The following LRFN5 variants were observed in gnomAD, a reference collection of about 807,000 sequenced individuals.
LRFN5 encodes the protein leucine-rich repeat and fibronectin type-III domain-containing protein 5.
A neutral mutation model predicts 45.6 loss-of-function variants in LRFN5; 24 were observed. The ratio of observed to expected loss-of-function variants is 0.53; its 90% confidence interval spans 0.38 to 0.74. The LOEUF is 0.74. LRFN5 is among the 30% of genes least tolerant of loss of function. The probability of loss-of-function intolerance (pLI) is 0.00; values close to 1 mark genes in which losing one functional copy is unlikely to be tolerated. For missense variants in LRFN5, 776 were observed against 861.5 expected, an observed-to-expected ratio of 0.90 and a Z score of 1.24; for synonymous variants, 340 against 313.8, an observed-to-expected ratio of 1.08 and a Z score of -0.88.
At chr14:41,670,298 TATATATACAC>T (rs1201683179) in intron 1 of LRFN5, among the ~76,000 whole-genome samples, 14 of 45,510 alleles carry the variant, frequency 3.1e-4, no homozygotes, top group Admixed American at 7.2e-4. Context: ...TATATATATA[TATATATACAC>T]ACACACAGAA....
intron 1 of LRFN5, among the ~76,000 whole-genome samples, chr14:41,666,046 C>A (rs1372194861): frequency 6.6e-6 from 1 of 151,908 alleles, no homozygotes; most frequent in Non-Finnish European, 1.5e-5. Flanking sequence ...GAGACCATTT[C>A]TCCTTTAAAT....
intron 1 of LRFN5, among the ~76,000 whole-genome samples, chr14:41,666,303 T>TA (rs891774252): frequency 1.8e-4 from 27 of 151,956 alleles, no homozygotes; most frequent in African/African-American, 5.1e-4. Context: ...GCTCCCCAAT[T>TA]AAAAAAAATC....
chr14:41,764,832 GATTATATATGCAGAATACATA>G, intron 1 of LRFN5, among the ~76,000 whole-genome samples: 1 of 149,780 alleles, frequency 6.7e-6, no homozygotes. Context: ...ACATATATAT[GATTATATATGCAGAATACATA>G]TATATGATTA....
chr14:41,886,866 A>T lies in LRFN5; in HGVS notation c.241A>T (p.Thr81Ser), dbSNP rs200283889. 3.5e-5 allele frequency: 57 copies of T among 1,613,952 alleles called. No homozygotes were observed. The highest frequency in any genetic ancestry group is 1.5e-5 in the Non-Finnish European group (18 of 1,180,012). Residue 81 changes from threonine to serine, a missense_variant, in exon 3 of 6, where the codon ACT (threonine) becomes TCT (serine). This residue lies in a region of LRFN5 where 311 missense variants were observed against 405.1 expected (regional missense o/e 0.77). Transcript: ENST00000298119. The stretch of plus-strand genomic sequence containing the variant: ...CAATATGACCAGCTTGGTGGACCTG[A>T]CTCTATCCAGGAATACAATAAGTTT... The part of the protein sequence containing the change: ...FANMTSLVDL[T>S]LSRNTISFIT...
chr14:41,851,512 A>G (rs1411004336), intron 2 of LRFN5, among the ~76,000 whole-genome samples: 1 of 151,796 alleles, frequency 6.6e-6, no homozygotes, highest in Non-Finnish European at 1.5e-5. Context: ...TGGAACCACA[A>G]TTCTTTGAAA....
intron 2 of LRFN5, among the ~76,000 whole-genome samples, chr14:41,822,179 A>G (rs530917399): frequency 2.0e-5 from 3 of 151,598 alleles, no homozygotes; most frequent in African/African-American, 7.2e-5. Context: ...GTTCTTTGTT[A>G]TATCTTTTCT....
intron 2 of LRFN5, among the ~76,000 whole-genome samples, chr14:41,771,420 T>C (rs1471480661): frequency 6.6e-6 from 1 of 152,172 alleles, no homozygotes; most frequent in South Asian, 2.1e-4. Flanking sequence ...TTTTCCAAAC[T>C]TTTATCCTCT....
At chr14:41,873,359 A>G (rs1006935819) in intron 2 of LRFN5, among the ~76,000 whole-genome samples, 5 of 151,726 alleles carry the variant, frequency 3.3e-5, no homozygotes, top group African/African-American at 1.2e-4. Context: ...AAATATTCTT[A>G]ATGCTCCGTT....
intron 2 of LRFN5, among the ~76,000 whole-genome samples, chr14:41,799,834 G>A (rs1887263107): frequency 6.6e-6 from 1 of 151,894 alleles, no homozygotes; most frequent in South Asian, 2.1e-4. Context: ...TAAATAATGG[G>A]TGGTATTTAG....
intron 3 of LRFN5, among the ~76,000 whole-genome samples, chr14:41,888,657 TGTC>T (rs2139155734): frequency 6.6e-6 from 1 of 152,146 alleles, no homozygotes; most frequent in East Asian, 1.9e-4. Flanking sequence ...GTGGTTGTGT[TGTC>T]TCATGTGTAC....
chr14:41,819,958 TG>T (rs1272372926), intron 2 of LRFN5, among the ~76,000 whole-genome samples: 1 of 61,134 alleles, frequency 1.6e-5, no homozygotes, highest in Non-Finnish European at 2.9e-5. Flanking sequence ...TAGGGTTATT[TG>T]TTTTTTTTTT....
intron 2 of LRFN5, among the ~76,000 whole-genome samples, chr14:41,813,191 C>A (rs1887795100): frequency 6.6e-6 from 1 of 151,982 alleles, no homozygotes; most frequent in Non-Finnish European, 1.5e-5. Context: ...ACAATTTCAT[C>A]CCTTTGATTT....
rs758615574 is a variant in LRFN5, at chr14:41,887,753, G to A, written c.1128G>A (p.Lys376=). Residue 376 remains lysine (K), a synonymous_variant, in exon 3 of 6, where the codon AAG becomes AAA. Coordinates refer to ENST00000298119, the MANE Select transcript of LRFN5 (RefSeq NM_152447.5). The surrounding 1 kb of genome is among the most constrained non-coding windows in gnomAD (Gnocchi z 4.8). ...AAATAGTGGATCTTCATATAATTAA[G>A]CTCCCTCACTTACTAAATAGTACAA... The part of the protein sequence containing the change: ...ATQIVDLHII[K]LPHLLNSTNH... 6.2e-7 allele frequency: 1 copy of A among 1,613,894 alleles called. No homozygotes were observed. The highest frequency in any genetic ancestry group is 1.7e-5 in the Admixed American group (1 of 60,008).
At chr14:41,663,681 C>A (rs181937519) in intron 1 of LRFN5, among the ~76,000 whole-genome samples, 25 of 152,042 alleles carry the variant, frequency 1.6e-4, no homozygotes, top group African/African-American at 6.0e-4. Context: ...GCAGCCCATA[C>A]TTAGTTATGT....
At chr14:41,775,729 G>T (rs1343585336) in intron 2 of LRFN5, among the ~76,000 whole-genome samples, 3 of 151,924 alleles carry the variant, frequency 2.0e-5, no homozygotes, top group African/African-American at 7.3e-5. Context: ...AGAATTATAG[G>T]GTAAACCTTT....
chr14:41,845,050 A>G (rs1889012063), intron 2 of LRFN5, among the ~76,000 whole-genome samples: 1 of 152,144 alleles, frequency 6.6e-6, no homozygotes, highest in Non-Finnish European at 1.5e-5. Flanking sequence ...CCTCTAGATT[A>G]TCCTAAGAAA....
chr14:41,775,718 C>A (rs1324775158), intron 2 of LRFN5, among the ~76,000 whole-genome samples: 4 of 152,054 alleles, frequency 2.6e-5, no homozygotes, highest in Non-Finnish European at 1.5e-5. Flanking sequence ...TATAAAGTGA[C>A]AGAATTATAG....
chr14:41,792,581 A>G (rs921500587), intron 2 of LRFN5, among the ~76,000 whole-genome samples: 2 of 151,934 alleles, frequency 1.3e-5, no homozygotes, highest in Admixed American at 6.6e-5. Flanking sequence ...TAGGAAAACA[A>G]TTTAGCAATA....
intron 2 of LRFN5, among the ~76,000 whole-genome samples, chr14:41,768,743 A>T (rs934740735): frequency 1.3e-5 from 2 of 152,138 alleles, no homozygotes; most frequent in Non-Finnish European, 2.9e-5. Context: ...CACTGGCAAG[A>T]CTTTTTCTAG....
Sources: gnomAD v4.1 joint callset for allele counts (sites outside exome capture counted in the v4.1 genomes callset) on GRCh38, gnomAD v4.1.1 for gene constraint, gnomAD v4.1.1 regional missense constraint, Gnocchi (gnomAD v3.1) non-coding constraint, MANE v1.5 for transcripts, NCBI Gene and HGNC (gene_info 2026-07-23, HGNC 2026-07-21) for gene names.